The following DOCK5 variants were observed in gnomAD, a reference collection of about 807,000 sequenced individuals.
DOCK5 encodes dedicator of cytokinesis 5, also known as dedicator of cytokinesis protein 5.
DOCK5 carries 142 observed loss-of-function variants against 251.8 expected under a neutral mutation model. That is an observed-to-expected ratio of 0.56 (90% CI 0.49 to 0.65). The LOEUF is 0.65. Ranked by LOEUF, DOCK5 falls within the 30% of genes least tolerant of loss-of-function variation. DOCK5 has a pLI of 0.00. For synonymous variants in DOCK5, 842 were observed against 835.5 expected, an observed-to-expected ratio of 1.01 and a Z score of -0.13; for missense variants, 2,111 against 2,312.3, an observed-to-expected ratio of 0.91 and a Z score of 1.79.
Position 25,345,480 on chromosome 8 carries a change from A to G in DOCK5, c.2623A>G (p.Arg875Gly), listed in dbSNP as rs1800347207. The change falls in exon 26 of 52, where the codon AGA becomes GGA. Residue 875 changes from arginine (R) to glycine (G), a missense_variant. Around this residue, in one of 3 missense-constraint regions of DOCK5, gnomAD observed 1,717 missense variants for 1,892.4 expected, o/e 0.91. Transcript: ENST00000276440. The part of the protein sequence containing the change: ...ESTLFRQSEC[R>G]EVLLPLLTDQ... The stretch of plus-strand genomic sequence containing the variant: ...GTCTGTGTTTTCCTTCTCAGAGTGC[A>G]GAGAAGTGCTGCTGCCACTGCTGAC... 1.9e-6 allele frequency: 3 copies of G among 1,613,564 alleles called. No individual in the cohort carries two copies. Among genetic ancestry groups the G allele is most frequent in the South Asian group, 2.2e-5 (2 of 91,088 alleles).
intron 5 of DOCK5, among the ~76,000 whole-genome samples, chr8:25,287,156 T>TA (rs973754766): frequency 6.6e-5 from 10 of 152,016 alleles, no homozygotes; most frequent in African/African-American, 1.9e-4. Context: ...CTAGACATTC[T>TA]AAAAAAAGAA....
At chr8:25,246,890 G>GTTTTTT (rs145041068) in intron 2 of DOCK5, among the ~76,000 whole-genome samples, 1 of 147,834 alleles carries the variant, frequency 6.8e-6, no homozygotes, top group Non-Finnish European at 1.5e-5. Context: ...TTTGTTTTTT[G>GTTTTTT]TTTTTTTTTT....
chr8:25,410,725 C>T (rs540218088), intron 51 of DOCK5, among the ~76,000 whole-genome samples: 132 of 151,252 alleles, frequency 8.7e-4, no homozygotes, highest in Non-Finnish European at 1.5e-3. Flanking sequence ...CCTCAGCCTT[C>T]CAAAGTGCTG....
chr8:25,295,595 C>T (rs932433908), intron 6 of DOCK5, among the ~76,000 whole-genome samples: 1 of 152,110 alleles, frequency 6.6e-6, no homozygotes, highest in Non-Finnish European at 1.5e-5. Flanking sequence ...TTACTTCACT[C>T]GTCTCCTTTA....
In DOCK5 at chr8:25,359,053, G is replaced by A. The variant is rs1800629603; in HGVS notation, c.2941G>A (p.Asp981Asn). 1 of 1,613,884 alleles carries A rather than the reference G, an allele frequency of 6.2e-7. No individual in the cohort carries two copies. The highest frequency in any genetic ancestry group is 8.5e-7 in the Non-Finnish European group (1 of 1,179,798). Residue 981 changes from aspartate to asparagine, a missense_variant, in exon 28 of 52, where the codon GAC becomes AAC. By Grantham distance (23) the Asp-to-Asn change is conservative. Transcript: ENST00000276440. ...HYISTFKTRQ[D>N]IIDFLMETFI... Reference sequence around the variant, plus strand: ...CATCAGCACTTTCAAAACCAGACAAGACATCATCGTAAGTTGCCTTTACTG... The same window carrying A: ...CATCAGCACTTTCAAAACCAGACAAAACATCATCGTAAGTTGCCTTTACTG...
intron 34 of DOCK5, 33 bp from the exon 35 acceptor site, chr8:25,372,526 C>A (rs1457951145): frequency 1.3e-6 from 2 of 1,545,288 alleles, no homozygotes; most frequent in Admixed American, 2.2e-5. Context: ...TAGCATGGAA[C>A]CTGGGCTTTT....
chr8:25,380,491 G>A, intron 39 of DOCK5, 97 bp downstream of exon 39: 1 of 1,036,608 alleles, frequency 9.6e-7, no homozygotes, highest in Non-Finnish European at 1.4e-6. Context: ...GATGAATGGT[G>A]TTTTTTTACA....
chr8:25,366,783 A>G (rs1800783484), intron 30 of DOCK5, 87 bp from the exon 31 acceptor site: 3 of 948,082 alleles, frequency 3.2e-6, no homozygotes, highest in Admixed American at 2.5e-5. Flanking sequence ...CTTGTTAATG[A>G]CTTTTTACCA....
chr8:25,390,699 G>A (rs376434503), intron 42 of DOCK5, among the ~76,000 whole-genome samples: 12 of 152,336 alleles, frequency 7.9e-5, no homozygotes, highest in African/African-American at 2.9e-4. Flanking sequence ...GGTCCCCAGT[G>A]ATGGAGGGGC....
Position 25,243,689 on chromosome 8 carries a change from A to G in DOCK5, c.59A>G (p.Asn20Ser), listed in dbSNP as rs137877997. The G allele has an allele frequency of 6.6e-5, 107 of 1,613,392 alleles. No homozygotes were observed. The highest frequency in any genetic ancestry group is 1.3e-4 in the East Asian group (6 of 44,868). The change falls in exon 2 of 52, where the codon AAT becomes AGT. Residue 20 changes from asparagine to serine, a missense_variant. Physicochemically the swap from Asn to Ser is conservative, Grantham distance 46. This residue lies in a region of DOCK5 where 335 missense variants were observed against 324.9 expected (regional missense o/e 1.03). Coordinates refer to ENST00000276440, the MANE Select transcript of DOCK5 (RefSeq NM_024940.8). ...QKYGVAIYNYNASQDVELSLQ... is the reference protein window; with the variant it reads ...QKYGVAIYNYSASQDVELSLQ... ...TCATTTCCAGCGATCTATAACTACA[A>G]TGCTTCTCAAGATGTGGAGCTCTCC... is the stretch of plus-strand genomic sequence containing the variant.
At chr8:25,185,795 A>C (rs377646916) in intron 1 of DOCK5, among the ~76,000 whole-genome samples, 3 of 152,172 alleles carry the variant, frequency 2.0e-5, no homozygotes, top group African/African-American at 7.2e-5. Flanking sequence ...CCGAAACAAT[A>C]GATGTGCGGG....
chr8:25,199,191 A>C (rs1801807894), intron 1 of DOCK5, among the ~76,000 whole-genome samples: 4 of 152,174 alleles, frequency 2.6e-5, no homozygotes, highest in Admixed American at 1.3e-4. Flanking sequence ...TTGCAAAGTA[A>C]ACGTTTAAGG....
chr8:25,409,212 C>G (rs186067737), intron 50 of DOCK5, among the ~76,000 whole-genome samples: 11 of 152,328 alleles, frequency 7.2e-5, no homozygotes, highest in Admixed American at 5.9e-4. Flanking sequence ...TAGGACTAGA[C>G]AGATAACAAG....
At chr8:25,232,620 A>C (rs1416974719) in intron 1 of DOCK5, among the ~76,000 whole-genome samples, 1 of 152,144 alleles carries the variant, frequency 6.6e-6, no homozygotes, top group Non-Finnish European at 1.5e-5. Context: ...CATGGTACAA[A>C]AAGGGCAAGT....
At position 25,400,992 on chromosome 8, in the gene DOCK5, C is replaced by T; in HGVS notation, c.4852C>T (p.Leu1618=). The change falls in exon 47 of 52, where the codon CTG becomes TTG. Residue 1618 remains leucine, a synonymous_variant. Coordinates refer to ENST00000276440, the MANE Select transcript of DOCK5 (RefSeq NM_024940.8). ...GAAACTCACAGAGCAGCTGAAGCCGCTGCATGAGCGGTTGTCTTCTTGCTT... is the reference window on the plus strand; with the variant it reads ...GAAACTCACAGAGCAGCTGAAGCCGTTGCATGAGCGGTTGTCTTCTTGCTT... ...GEKLTEQLKP[L]HERLSSCFRE... The T allele has an allele frequency of 1.2e-6, 2 of 1,614,034 alleles. No homozygotes were observed. Among genetic ancestry groups the T allele is most frequent in the East Asian group, 2.2e-5 (1 of 44,866 alleles).
At chr8:25,220,565 C>T (rs1338477413) in intron 1 of DOCK5, among the ~76,000 whole-genome samples, 8 of 152,060 alleles carry the variant, frequency 5.3e-5, no homozygotes, top group African/African-American at 1.2e-4. Flanking sequence ...CCCAGCTCTC[C>T]ACAGGTACCG....
At chr8:25,377,542 C>A in intron 38 of DOCK5, 118 bp downstream of exon 38, 1 of 1,303,004 alleles carries the variant, frequency 7.7e-7, no homozygotes, top group Non-Finnish European at 1.0e-6. Flanking sequence ...AGGGCACTGT[C>A]TCCAACGAGA....
chr8:25,320,946 G>A (rs772333051), intron 15 of DOCK5, 34 bp from the exon 16 acceptor site: 28 of 1,580,562 alleles, frequency 1.8e-5, no homozygotes, highest in Non-Finnish European at 1.6e-5. Flanking sequence ...AGTACTGTGT[G>A]TCTGTAAACT....
chr8:25,225,814 A>T lies in DOCK5; in HGVS notation c.44-17860A>T, dbSNP rs117323672. 2.9e-3 allele frequency among the ~76,000 whole-genome samples: 436 copies of T among 152,296 alleles called. 4 individuals are homozygous for T. Among genetic ancestry groups the T allele is most frequent in the Middle Eastern group, 0.014 (4 of 294 alleles). ...ACACAAAAAAGCACTGTGTGGTTCT[A>T]CTTATATGAGGTCCCTAGAGTAGTC... On this transcript the variant is annotated intron_variant, in intron 1 of 51. Coordinates refer to ENST00000276440, the MANE Select transcript of DOCK5 (RefSeq NM_024940.8).
Sources: gnomAD v4.1 joint callset for allele counts (sites outside exome capture counted in the v4.1 genomes callset) on GRCh38, gnomAD v4.1.1 for gene constraint, gnomAD v4.1.1 regional missense constraint, MANE v1.5 for transcripts, NCBI Gene and HGNC (gene_info 2026-07-23, HGNC 2026-07-21) for gene names.